Variants in ZFP90 observed in about 807,000 individuals in gnomAD.
ZFP90 encodes the protein ZFP90 zinc finger protein.
In ZFP90, 38 loss-of-function variants were observed where a neutral mutation model predicts 60.8. The ratio of observed to expected loss-of-function variants is 0.62; its 90% CI spans 0.48 to 0.82. The LOEUF (loss-of-function observed/expected upper bound fraction) is 0.82. Among genes scored for constraint, ZFP90 ranks in the 40% least tolerant of loss-of-function variants. The probability of loss-of-function intolerance (pLI) is 0.00; values close to 1 mark genes in which losing one functional copy is unlikely to be tolerated. For missense variants in ZFP90, 711 were observed against 759.1 expected, an observed-to-expected ratio of 0.94 and a Z score of 0.74; for synonymous variants, 287 against 264.8, an observed-to-expected ratio of 1.08 and a Z score of -0.82.
rs1352856766 is a variant in ZFP90, at chr16:68,564,181, T to C, written c.1394T>C (p.Phe465Ser). ...CGEDFSHITD[F>S]TDHQRIHTAE... ...GAAGACTTTAGTCACATTACAGACT[T>C]TACTGACCATCAGAGGATCCATACT... Residue 465 changes from phenylalanine to serine, a missense_variant, in exon 5 of 5, where the codon TTT becomes TCT. This residue lies in a region of ZFP90 where 295 missense variants were observed against 274.0 expected (regional missense o/e 1.08). Coordinates refer to ENST00000563169, the MANE Select transcript of ZFP90 (RefSeq NM_001305203.2). The C allele has an allele frequency of 1.2e-6, 2 of 1,614,008 alleles. No homozygotes were observed. The highest frequency in any genetic ancestry group is 1.3e-5 in the African/African-American group (1 of 74,900).
At position 68,534,221 on chromosome 16, in the gene ZFP90, TTTTC is replaced by T. The variant is rs978955115; in HGVS notation, c.-36+378_-36+381del. The stretch of plus-strand genomic sequence containing the variant: ...GTGCATTACATTTTTAACTTAAAGA[TTTTC>T]TTTCTTTCTTTTTTTTTTTTTGAGA... On this transcript the variant is annotated intron_variant, in intron 2 of 3. Transcript: ENST00000569109. Among the ~76,000 whole-genome samples, 63 of 59,406 alleles carry T rather than the reference TTTTC, an allele frequency of 1.1e-3. No individual in the cohort carries two copies. The East Asian group carries it at 0.019, about 18-fold the overall frequency. The allele number at this position is 59,406 out of a possible 152,430, so 39.0% of individuals were successfully genotyped here. A position where few individuals can be genotyped will look rare whatever the true frequency, so the allele number is the denominator to read the frequency against.
chr16:68,571,580 G>A (rs1468401139), downstream of ZFP90, among the ~76,000 whole-genome samples: 1 of 152,074 alleles, frequency 6.6e-6, no homozygotes, highest in Non-Finnish European at 1.5e-5. Context: ...GGATTTGGGG[G>A]AAGGAATAAT....
intron 2 of ZFP90, among the ~76,000 whole-genome samples, chr16:68,551,151 G>A (rs193083044): frequency 3.4e-4 from 52 of 152,242 alleles, no homozygotes; most frequent in African/African-American, 1.1e-3. Context: ...GTCCTTTCTG[G>A]AAGTGCCCTT....
chr16:68,554,956 C>T (rs2091320345), intron 2 of ZFP90: 1 of 152,166 alleles, frequency 6.6e-6, no homozygotes. Context: ...CCACTTATCT[C>T]AAAATGGCTG....
chr16:68,540,808 CAAA>C (rs35122186), intron 2 of ZFP90, among the ~76,000 whole-genome samples: 1 of 92,698 alleles, frequency 1.1e-5, no homozygotes, highest in South Asian at 3.6e-4. Flanking sequence ...TCCGTCTCTG[CAAA>C]AAAAAAAAAA....
chr16:68,560,855 T>C (rs983110351), intron 4 of ZFP90, among the ~76,000 whole-genome samples: 3 of 145,414 alleles, frequency 2.1e-5, no homozygotes, highest in Non-Finnish European at 3.0e-5. Context: ...TGAGCCACCA[T>C]GCCCAGCCAC....
chr16:68,554,113 GTGTTT>G lies in ZFP90; in HGVS notation c.34-3873_34-3869del, dbSNP rs201093989. 3.7e-3 allele frequency among the ~76,000 whole-genome samples: 403 copies of G among 107,610 alleles called. 6 individuals are homozygous for G. The highest frequency in any genetic ancestry group is 0.013 in the African/African-American group (339 of 26,418). The allele number at this position is 107,610 out of a possible 152,430, so 70.6% of individuals were successfully genotyped here. A position where few individuals can be genotyped will look rare whatever the true frequency, so the allele number is the denominator to read the frequency against. On this transcript the variant is annotated intron_variant, in intron 2 of 4. Transcript: ENST00000563169. ...GGAGACAGTGAAGGGTTTATGGGTTGTGTTTTGTTTTGTTTTTTTTTTTTTTGAGA... is the reference window on the plus strand; with the variant it reads ...GGAGACAGTGAAGGGTTTATGGGTTGTGTTTTGTTTTTTTTTTTTTTGAGA...
At chr16:68,545,801 C>T (rs1266579608) in intron 2 of ZFP90, among the ~76,000 whole-genome samples, 3 of 152,078 alleles carry the variant, frequency 2.0e-5, no homozygotes, top group Admixed American at 1.3e-4. Flanking sequence ...GGTGACTGAG[C>T]GAGACTCCGT....
At chr16:68,576,058 G>T in exon 3 of ZFP90, 1 of 285,684 alleles carries the variant, frequency 3.5e-6, no homozygotes, top group Non-Finnish European at 6.2e-6. Flanking sequence ...AAAAAAAAAA[G>T]CATTTCATTA....
In ZFP90 at chr16:68,558,991, T is replaced by C. The variant is rs1377655579; in HGVS notation, c.256+423T>C. ...CCCTTGATAACCTGCCTTCAGACTA[T>C]GTGCCTTGCCACCATCTTCCTTCCA... On this transcript the variant is annotated intron_variant, in intron 4 of 4. Transcript: ENST00000563169. Among the ~76,000 whole-genome samples, 3 of 152,196 alleles carry C rather than the reference T, an allele frequency of 2.0e-5. No homozygotes were observed. The East Asian group carries it at 5.8e-4, about 29-fold the overall frequency.
intron 2 of ZFP90, among the ~76,000 whole-genome samples, chr16:68,556,255 A>G (rs1294284307): frequency 6.6e-6 from 1 of 152,128 alleles, no homozygotes; most frequent in Admixed American, 6.5e-5. Context: ...AAGTGATTCT[A>G]GACAATCAGC....
intron 4 of ZFP90, chr16:68,562,309 G>A (rs752142411): frequency 2.6e-5 from 4 of 152,164 alleles, no homozygotes; most frequent in Non-Finnish European, 5.9e-5. Context: ...AGTTTTTAAA[G>A]GTTATCGTTC....
In ZFP90 at chr16:68,566,988, A is replaced by C. The variant is rs934157204; in HGVS notation, c.*2290A>C. The C allele has an allele frequency of 1.0e-6, 1 of 985,508 alleles. No individual in the cohort carries two copies. The highest frequency in any genetic ancestry group is 1.2e-6 in the Non-Finnish European group (1 of 829,986). The allele number at this position is 985,508 out of a possible 1,614,324, so 61.0% of individuals were successfully genotyped here. A position where few individuals can be genotyped will look rare whatever the true frequency, so the allele number is the denominator to read the frequency against. ...TTGACAGGGAGGGAGCCCAGGACAT[A>C]TGTGTGGCTCATTGACCAGAAGGCT... On this transcript the variant is annotated 3_prime_UTR_variant, in exon 5 of 5. Transcript: ENST00000563169.
Position 68,564,086 on chromosome 16 carries a change from C to T in ZFP90, c.1299C>T (p.His433=). The T allele has an allele frequency of 1.2e-6, 2 of 1,614,134 alleles. No homozygotes were observed. The highest frequency in any genetic ancestry group is 1.7e-6 in the Non-Finnish European group (2 of 1,180,020). ...GTAACTACAGCATAGATTTCAAGCA[C>T]AGCACATCTCTCACTCAAGATGAAA... ...QSSNYSIDFK[H]STSLTQDEST... The change falls in exon 5 of 5, where the codon CAC becomes CAT. Residue 433 remains histidine (H), a synonymous_variant. Transcript: ENST00000563169.
chr16:68,548,600 C>T (rs187748406), intron 2 of ZFP90, among the ~76,000 whole-genome samples: 61 of 150,356 alleles, frequency 4.1e-4, no homozygotes, highest in Non-Finnish European at 7.2e-4. Flanking sequence ...AAGCAATTCT[C>T]CTGCCTCAGC....
rs903016004 is a variant in ZFP90 at position 68,564,659 on chromosome 16, T to C, written c.1872T>C (p.Leu624=). ...CGKNFSRSSA[L]TKHQRIHTRN... ...AAAACTTCAGCCGAAGTTCAGCTCT[T>C]ACTAAACACCAGAGAATTCATACTC... Residue 624 remains leucine (L), a synonymous_variant, in exon 5 of 5, where the codon CTT becomes CTC. Transcript: ENST00000563169. The C allele has an allele frequency of 6.2e-7, 1 of 1,613,020 alleles. No individual in the cohort carries two copies. Among genetic ancestry groups the C allele is most frequent in the African/African-American group, 1.3e-5 (1 of 74,834 alleles).
rs986669492 is a variant in ZFP90 at position 68,565,891 on chromosome 16, A to G, written c.*1193A>G. The G allele has an allele frequency of 1.5e-5, 15 of 971,440 alleles. No individual in the cohort carries two copies. The highest frequency in any genetic ancestry group is 1.8e-5 in the African/African-American group (1 of 56,768). The allele number at this position is 971,440 out of a possible 1,614,324, so 60.2% of individuals were successfully genotyped here. On this transcript the variant is annotated 3_prime_UTR_variant, in exon 5 of 5. Transcript: ENST00000563169. Reference sequence around the variant, plus strand: ...TGTAATCCCAGCACTTTGGGTGGCTAAGGCAGATAGACTGCTTGAACCCAG... The same window carrying G: ...TGTAATCCCAGCACTTTGGGTGGCTGAGGCAGATAGACTGCTTGAACCCAG...
intron 2 of ZFP90, among the ~76,000 whole-genome samples, chr16:68,575,142 C>A (rs2091587529): frequency 6.6e-6 from 1 of 152,188 alleles, no homozygotes; most frequent in Admixed American, 6.5e-5. Flanking sequence ...CTGTGGCCAG[C>A]AGTGTCCCCA....
rs939268282 is a variant in ZFP90, at chr16:68,564,884, C to T, written c.*186C>T. On this transcript the variant is annotated 3_prime_UTR_variant, in exon 5 of 5. Coordinates refer to ENST00000563169, the MANE Select transcript of ZFP90 (RefSeq NM_001305203.2). ...AAAGACACATTCTCAGATCTGATTA[C>T]AGACTAGTGTAAAAACAGCTACATG... The T allele has an allele frequency of 3.3e-5, 45 of 1,366,758 alleles. No homozygotes were observed. The highest frequency in any genetic ancestry group is 4.1e-5 in the Non-Finnish European group (44 of 1,066,520). 84.7% of individuals were successfully genotyped at this position (1,366,758 alleles called of 1,614,324 possible). A position where few individuals can be genotyped will look rare whatever the true frequency, so the allele number is the denominator to read the frequency against.
Sources: gnomAD v4.1 joint callset for allele counts (sites outside exome capture counted in the v4.1 genomes callset) on GRCh38, gnomAD v4.1.1 for gene constraint, gnomAD v4.1.1 regional missense constraint, MANE v1.5 for transcripts, NCBI Gene and HGNC (gene_info 2026-07-23, HGNC 2026-07-21) for gene names.